Variants in NRXN3 observed in about 807,000 individuals in gnomAD.
NRXN3 encodes neurexin III.
A neutral mutation model predicts 137.6 loss-of-function variants in NRXN3; 32 were observed. The observed-to-expected ratio is 0.23, with a 90% CI of 0.18 to 0.31. The LOEUF is 0.31. Among genes scored for constraint, NRXN3 ranks in the 10% least tolerant of loss-of-function variants. The probability of loss-of-function intolerance (pLI) is 1.00; values close to 1 mark genes in which losing one functional copy is unlikely to be tolerated. For synonymous variants in NRXN3, 798 were observed against 784.5 expected, an observed-to-expected ratio of 1.02 and a Z score of -0.29; for missense variants, 1,574 against 2,062.5, an observed-to-expected ratio of 0.76 and a Z score of 4.59.
intron 6 of NRXN3, among the ~76,000 whole-genome samples, chr14:78,683,824 G>A (rs530573591): frequency 7.2e-5 from 11 of 152,162 alleles, no homozygotes; most frequent in Non-Finnish European, 8.8e-5. Context: ...ATATTTTGTC[G>A]TGACTTACTT....
intron 19 of NRXN3, among the ~76,000 whole-genome samples, chr14:79,724,944 A>C (rs2098874162): frequency 6.6e-6 from 1 of 152,252 alleles, no homozygotes; most frequent in South Asian, 2.1e-4. Context: ...CTAATAATGA[A>C]AAAAAGAGGA....
chr14:79,581,659 T>C (rs531953387), intron 16 of NRXN3, among the ~76,000 whole-genome samples: 2 of 152,342 alleles, frequency 1.3e-5, no homozygotes, highest in Admixed American at 1.3e-4. Flanking sequence ...TTCTCCCAGT[T>C]GGTAATTATT....
chr14:78,759,005 C>A (rs746168829), intron 8 of NRXN3, among the ~76,000 whole-genome samples: 1 of 152,186 alleles, frequency 6.6e-6, no homozygotes, highest in Non-Finnish European at 1.5e-5. Flanking sequence ...TTCAGCAATT[C>A]ATTTACCTCC....
intron 15 of NRXN3, chr14:79,247,291 A>G (rs1033526582): frequency 6.6e-6 from 1 of 152,148 alleles, no homozygotes; most frequent in Non-Finnish European, 1.5e-5. Context: ...CAGAAGAAAA[A>G]TGTGGCTTCT....
At chr14:79,012,645 A>T (rs2099573092) in intron 15 of NRXN3, among the ~76,000 whole-genome samples, 1 of 152,116 alleles carries the variant, frequency 6.6e-6, no homozygotes, top group South Asian at 2.1e-4. Context: ...ATTCACTTCC[A>T]CTTTCCAGAA....
chr14:78,897,743 T>C (rs1276578838), intron 10 of NRXN3, among the ~76,000 whole-genome samples: 2 of 151,968 alleles, frequency 1.3e-5, no homozygotes, highest in African/African-American at 2.4e-5. Context: ...CTTGCACCTA[T>C]AAATTATTCA....
chr14:78,723,235 C>A (rs1265031969), intron 8 of NRXN3, among the ~76,000 whole-genome samples: 1 of 152,074 alleles, frequency 6.6e-6, no homozygotes, highest in Non-Finnish European at 1.5e-5. Context: ...AACAGGTCAG[C>A]ATATAATAGT....
At position 79,197,453 on chromosome 14, in the gene NRXN3, A is replaced by T. The variant is rs570686939; in HGVS notation, c.3262+209312A>T. Reference sequence around the variant, plus strand: ...CCCGAACAAGAGTCTTAGTAAATTGACCAGCTGAGTCATTTGAACTTGATT... The same window carrying T: ...CCCGAACAAGAGTCTTAGTAAATTGTCCAGCTGAGTCATTTGAACTTGATT... On this transcript the variant is annotated intron_variant, in intron 15 of 20. Coordinates refer to ENST00000335750, the MANE Select transcript of NRXN3 (RefSeq NM_001330195.2). Among the ~76,000 whole-genome samples, 3 of 152,208 alleles carry T rather than the reference A, an allele frequency of 2.0e-5. No individual in the cohort carries two copies. In the East Asian group the frequency reaches 5.8e-4, roughly 29 times the overall value.
chr14:79,075,184 T>C (rs780105170), intron 15 of NRXN3, among the ~76,000 whole-genome samples: 2 of 152,222 alleles, frequency 1.3e-5, no homozygotes, highest in Non-Finnish European at 2.9e-5. Flanking sequence ...GATCCTTACC[T>C]ATAAAGCATA....
At chr14:79,059,764 G>T (rs562879924) in intron 15 of NRXN3, among the ~76,000 whole-genome samples, 1 of 152,180 alleles carries the variant, frequency 6.6e-6, no homozygotes, top group Non-Finnish European at 1.5e-5. Flanking sequence ...CAACTGGATG[G>T]TAGATGAATA....
chr14:78,968,352 A>T lies in NRXN3; in HGVS notation c.3142+6A>T. ...GATCGAGCGTGGCTGTGAAGGTACAACCTATTTTTTTCTTGTTAAGCTACA... is the reference window on the plus strand; with the variant it reads ...GATCGAGCGTGGCTGTGAAGGTACATCCTATTTTTTTCTTGTTAAGCTACA... On this transcript the variant is annotated splice_donor_region_variant and intron_variant, in intron 14 of 20. Coordinates refer to ENST00000335750, the MANE Select transcript of NRXN3 (RefSeq NM_001330195.2). The T allele has an allele frequency of 6.2e-7, 1 of 1,610,818 alleles. No individual in the cohort carries two copies.
intron 2 of NRXN3, chr14:78,250,239 A>G (rs2068396407): frequency 2.8e-6 from 1 of 351,814 alleles, no homozygotes; most frequent in Non-Finnish European, 5.6e-6. Flanking sequence ...TCAGTGAAAC[A>G]GGAATCATAA....
intron 15 of NRXN3, among the ~76,000 whole-genome samples, chr14:79,118,425 C>T (rs116000129): frequency 1.2e-3 from 189 of 152,278 alleles, no homozygotes; most frequent in African/African-American, 4.3e-3. Flanking sequence ...GGCATGTGTT[C>T]CTTACAGGCC....
chr14:78,411,175 T>C (rs1401564018), intron 4 of NRXN3, among the ~76,000 whole-genome samples: 4 of 152,222 alleles, frequency 2.6e-5, no homozygotes, highest in Non-Finnish European at 2.9e-5. Context: ...CTGTAAACTC[T>C]AGAGTTTACA....
rs10560521 is a variant in NRXN3, at chr14:78,971,425, C to CATATATATAT, written c.3142+3087_3142+3096dup. Among the ~76,000 whole-genome samples the CATATATATAT allele has an allele frequency of 2.3e-3, 335 of 148,430 alleles. 2 individuals carry two copies. The highest frequency in any genetic ancestry group is 0.014 in the East Asian group (74 of 5,104). On this transcript the variant is annotated intron_variant, in intron 14 of 20. Transcript: ENST00000335750. ...AGCAAATCTAGAATACACAGATAAA[C>CATATATATAT]ATATATATATATATATACACACACA...
intron 15 of NRXN3, among the ~76,000 whole-genome samples, chr14:79,302,687 G>A (rs1342059590): frequency 6.6e-6 from 1 of 151,832 alleles, no homozygotes; most frequent in Non-Finnish European, 1.5e-5. Context: ...TGAGTTCTCA[G>A]GAGGTTTGAT....
chr14:78,176,809 G>C (rs996551560), intron 1 of NRXN3, among the ~76,000 whole-genome samples: 2 of 151,898 alleles, frequency 1.3e-5, no homozygotes, highest in Non-Finnish European at 2.9e-5. Flanking sequence ...GGGCTGCCTG[G>C]GGTGCCTTCT....
rs537027636 is a variant in NRXN3 at position 78,293,365 on chromosome 14, C to T, written c.728-4466C>T. Among the ~76,000 whole-genome samples the T allele has an allele frequency of 3.3e-5, 5 of 152,232 alleles. No individual in the cohort carries two copies. In the South Asian group the frequency reaches 6.2e-4, roughly 19 times the overall value. On this transcript the variant is annotated intron_variant, in intron 3 of 20. Coordinates refer to ENST00000335750, the MANE Select transcript of NRXN3 (RefSeq NM_001330195.2). ...GACTGTAGTCTTACATTGTTAAGGG[C>T]ACACTGGATCTTTTGCTTGACTGAT...
chr14:78,379,913 T>C (rs544067620), intron 4 of NRXN3, among the ~76,000 whole-genome samples: 14 of 152,188 alleles, frequency 9.2e-5, no homozygotes, highest in Non-Finnish European at 1.3e-4. Flanking sequence ...AATTTAAATA[T>C]ACAAAGAACA....
Sources: allele counts gnomAD v4.1 joint callset (sites outside exome capture counted in the v4.1 genomes callset), GRCh38; gene constraint gnomAD v4.1.1; transcripts MANE v1.5; gene names NCBI Gene and HGNC (gene_info 2026-07-23, HGNC 2026-07-21).